The following PRRX2 variants were observed in gnomAD, a reference collection of about 807,000 sequenced individuals.
PRRX2 encodes paired related homeobox 2.
Under a neutral mutation model 18.0 loss-of-function variants are expected in PRRX2, and 11 were observed. The observed-to-expected ratio is 0.61, with a 90% CI of 0.39 to 1.01. The LOEUF is 1.01. Ranked by LOEUF, PRRX2 falls within the 50% of genes least tolerant of loss-of-function variation. The pLI is 0.01. For synonymous variants in PRRX2, 177 were observed against 154.8 expected (o/e 1.14, Z -1.06); for missense variants, 387 against 351.0 (o/e 1.10, Z -0.82).
In PRRX2 at chr9:129,666,081, G is replaced by A. The variant is rs1163394214; in HGVS notation, c.214G>A (p.Glu72Lys). Residue 72 changes from glutamate to lysine, a missense_variant, in exon 1 of 4, where the codon GAG becomes AAG. Physicochemically the swap from Glu to Lys is moderately conservative, Grantham distance 56. Coordinates refer to ENST00000372469, the MANE Select transcript of PRRX2 (RefSeq NM_016307.4). ...CGAGGCGCGGGAGGGCGCAGCACGG[G>A]AGCCGTCCGGGGGCAGCAGCGGCAG... ...RAEAREGAAR[E>K]PSGGSSGSEA... is the part of the protein sequence containing the mutation. The A allele has an allele frequency of 1.9e-6, 2 of 1,037,496 alleles. No individual in the cohort carries two copies. The highest frequency in any genetic ancestry group is 1.7e-4 in the East Asian group (2 of 12,114). The allele number at this position is 1,037,496 out of a possible 1,614,324, so 64.3% of individuals were successfully genotyped here.
At chr9:129,702,851 G>A (rs375736433) in intron 1 of PRRX2, among the ~76,000 whole-genome samples, 1 of 152,238 alleles carries the variant, frequency 6.6e-6, no homozygotes, top group African/African-American at 2.4e-5. Context: ...GCCTCTTCAC[G>A]TGGCAAAGTG....
At chr9:129,710,934 G>C (rs1832610296) in intron 1 of PRRX2, among the ~76,000 whole-genome samples, 1 of 152,016 alleles carries the variant, frequency 6.6e-6, no homozygotes, top group Admixed American at 6.6e-5. Flanking sequence ...AGCTCTCTCT[G>C]TGCCCGGCCT....
intron 1 of PRRX2, among the ~76,000 whole-genome samples, chr9:129,716,517 C>G (rs947810200): frequency 6.7e-6 from 1 of 149,512 alleles, no homozygotes. Flanking sequence ...TGCAGTGGTA[C>G]GGTACCGGCT....
In PRRX2 at chr9:129,699,000, G is replaced by A. The variant is rs142225288; in HGVS notation, c.260-20231G>A. Among the ~76,000 whole-genome samples, 217 of 152,348 alleles carry A rather than the reference G, an allele frequency of 1.4e-3. 2 individuals carry two copies. Among genetic ancestry groups the A allele is most frequent in the African/African-American group, 5.1e-3 (210 of 41,582 alleles). On this transcript the variant is annotated intron_variant, in intron 1 of 3. Coordinates refer to ENST00000372469, the MANE Select transcript of PRRX2 (RefSeq NM_016307.4). ...TGTCCCTTCCCTCCCAGGGCATGCT[G>A]GAGGCCCTTCCCCACAGGAAGGCCG... is the stretch of plus-strand genomic sequence containing the variant.
At chr9:129,711,399 CTTTTTTTTTTT>C (rs897807963) in intron 1 of PRRX2, among the ~76,000 whole-genome samples, 2 of 85,026 alleles carry the variant, frequency 2.4e-5, no homozygotes, top group African/African-American at 5.0e-5. Context: ...GTGAGATTCT[CTTTTTTTTTTT>C]TTTTTTTTTT....
rs565168264 is a variant in PRRX2, at chr9:129,706,471, G to A, written c.260-12760G>A. Reference sequence around the variant, plus strand: ...CCAGCTACTCGGGAGGCTGAGGCAAGAGAATCGCTTGAACCTGGGAGGCGG... The same window carrying A: ...CCAGCTACTCGGGAGGCTGAGGCAAAAGAATCGCTTGAACCTGGGAGGCGG... On this transcript the variant is annotated intron_variant, in intron 1 of 3. Coordinates refer to ENST00000372469, the MANE Select transcript of PRRX2 (RefSeq NM_016307.4). 6.6e-5 allele frequency among the ~76,000 whole-genome samples: 10 copies of A among 152,230 alleles called. No individual in the cohort carries two copies. The South Asian group carries it at 1.5e-3, about 22-fold the overall frequency.
At chr9:129,689,942 G>A (rs183313949) in intron 1 of PRRX2, among the ~76,000 whole-genome samples, 68 of 151,640 alleles carry the variant, frequency 4.5e-4, no homozygotes, top group African/African-American at 1.6e-3. Flanking sequence ...TAGTAGAGAC[G>A]GGGTTTCACC....
intron 1 of PRRX2, among the ~76,000 whole-genome samples, chr9:129,667,193 C>T (rs1214633882): frequency 7.2e-6 from 1 of 138,450 alleles, no homozygotes; most frequent in African/African-American, 2.8e-5. Flanking sequence ...AAGCCACTGG[C>T]TCCCTCATGG....
intron 3 of PRRX2, among the ~76,000 whole-genome samples, 181 bp downstream of exon 3, chr9:129,720,955 C>A (rs572374854): frequency 6.6e-6 from 1 of 152,290 alleles, no homozygotes; most frequent in East Asian, 1.9e-4. Flanking sequence ...TTCACGAGCA[C>A]CTGCACGTGC....
intron 1 of PRRX2, among the ~76,000 whole-genome samples, chr9:129,690,783 G>A (rs1832351664): frequency 6.6e-6 from 1 of 152,010 alleles, no homozygotes; most frequent in South Asian, 2.1e-4. Context: ...TGGGATTACA[G>A]GCATGAGCCA....
At chr9:129,681,185 C>G (rs1832224691) in intron 1 of PRRX2, among the ~76,000 whole-genome samples, 2 of 152,208 alleles carry the variant, frequency 1.3e-5, no homozygotes. Context: ...GTGCTGGCTC[C>G]TTTTCTGCCT....
chr9:129,711,651 C>T (rs1832622524), intron 1 of PRRX2, among the ~76,000 whole-genome samples: 1 of 152,058 alleles, frequency 6.6e-6, no homozygotes, highest in Non-Finnish European at 1.5e-5. Context: ...TCAGGCATTC[C>T]ACTCGCCTCG....
chr9:129,715,792 ACT>A lies in PRRX2; in HGVS notation c.260-3437_260-3436del, dbSNP rs1491249535. ...CACACACACACACACACACACACAC[ACT>A]CATTTACAGTCTCATGGAGCAATTT... On this transcript the variant is annotated intron_variant, in intron 1 of 3. Coordinates refer to ENST00000372469, the MANE Select transcript of PRRX2 (RefSeq NM_016307.4). The surrounding 1 kb of genome is among the most constrained non-coding windows in gnomAD (Gnocchi z 4.0). 3.5e-5 allele frequency among the ~76,000 whole-genome samples: 5 copies of A among 144,452 alleles called. No homozygotes were observed. The South Asian group carries it at 6.7e-4, about 19-fold the overall frequency. 94.8% of individuals were successfully genotyped at this position (144,452 alleles called of 152,430 possible). A position where few individuals can be genotyped will look rare whatever the true frequency, so the allele number is the denominator to read the frequency against.
chr9:129,687,973 G>A (rs1304042487), intron 1 of PRRX2, among the ~76,000 whole-genome samples: 2 of 152,224 alleles, frequency 1.3e-5, no homozygotes, highest in Admixed American at 6.5e-5. Context: ...ACTGCTCACC[G>A]CAGCCTTGAC....
At chr9:129,689,144 TCTC>T (rs1020200498) in intron 1 of PRRX2, among the ~76,000 whole-genome samples, 13 of 152,038 alleles carry the variant, frequency 8.6e-5, no homozygotes, top group Admixed American at 1.3e-4. Flanking sequence ...TCTCCATTTC[TCTC>T]CTCCTTCAAG....
At chr9:129,687,227 A>G (rs1174696731) in intron 1 of PRRX2, among the ~76,000 whole-genome samples, 2 of 152,130 alleles carry the variant, frequency 1.3e-5, no homozygotes, top group Non-Finnish European at 2.9e-5. Context: ...CAACTCTATA[A>G]AACATTAAAA....
chr9:129,693,577 G>A (rs1362201176), intron 1 of PRRX2, among the ~76,000 whole-genome samples: 9 of 145,056 alleles, frequency 6.2e-5, no homozygotes, highest in Non-Finnish European at 1.3e-4. Flanking sequence ...CAGCCTGGGC[G>A]ACAAGAGCGA....
chr9:129,670,095 G>T lies in PRRX2; in HGVS notation c.259+3969G>T, dbSNP rs530928347. Among the ~76,000 whole-genome samples, 319 of 147,684 alleles carry T rather than the reference G, an allele frequency of 2.2e-3. 1 individual carries two copies. The highest frequency in any genetic ancestry group is 2.6e-3 in the Non-Finnish European group (176 of 66,964). ...ATGTAAGTGGAATCCTACAGTATTT[G>T]CCGTTCTGTGACCGTCTTATTTCAC... On this transcript the variant is annotated intron_variant, in intron 1 of 3. Transcript: ENST00000372469.
At chr9:129,697,059 C>G (rs1002318206) in intron 1 of PRRX2, among the ~76,000 whole-genome samples, 8 of 152,250 alleles carry the variant, frequency 5.3e-5, no homozygotes, top group African/African-American at 2.4e-5. Flanking sequence ...ATAGGGTTAC[C>G]GTGTGTGGAG....
Sources: allele counts gnomAD v4.1 joint callset (sites outside exome capture counted in the v4.1 genomes callset), GRCh38; gene constraint gnomAD v4.1.1; non-coding constraint Gnocchi (gnomAD v3.1); transcripts MANE v1.5; gene names NCBI Gene and HGNC (gene_info 2026-07-23, HGNC 2026-07-21).